The following CNTNAP2 variants were observed in gnomAD, a reference collection of about 807,000 sequenced individuals.
CNTNAP2 encodes the protein contactin-associated protein-like 2.
In CNTNAP2, 98 loss-of-function variants were observed where a neutral mutation model predicts 155.2. That is an observed-to-expected ratio of 0.63 (90% CI 0.54 to 0.75). The LOEUF (loss-of-function observed/expected upper bound fraction) is 0.75. Ranked by LOEUF, CNTNAP2 falls within the 30% of genes least tolerant of loss-of-function variation. CNTNAP2 has a pLI of 0.00. For missense variants in CNTNAP2, 1,727 were observed against 1,688.1 expected (o/e 1.02, Z -0.40); for synonymous variants, 651 against 631.2 (o/e 1.03, Z -0.47).
At chr7:147,994,355 A>C (rs1258406597) in intron 15 of CNTNAP2, among the ~76,000 whole-genome samples, 1 of 147,286 alleles carries the variant, frequency 6.8e-6, no homozygotes, top group Admixed American at 6.8e-5. Context: ...TGAGTGACAA[A>C]GTAAGACCTG....
chr7:147,272,228 T>C (rs1024486831), intron 8 of CNTNAP2, among the ~76,000 whole-genome samples: 3 of 152,108 alleles, frequency 2.0e-5, no homozygotes, highest in Non-Finnish European at 2.9e-5. Flanking sequence ...CCTAGAATCT[T>C]GTAACCCTTC....
At chr7:146,968,553 C>T (rs1259428335) in intron 3 of CNTNAP2, among the ~76,000 whole-genome samples, 3 of 152,014 alleles carry the variant, frequency 2.0e-5, no homozygotes, top group Admixed American at 6.6e-5. Context: ...GTGTATGTGT[C>T]GAGGAATTTA....
At chr7:146,287,074 G>A (rs1399756466) in intron 1 of CNTNAP2, among the ~76,000 whole-genome samples, 1 of 152,140 alleles carries the variant, frequency 6.6e-6, no homozygotes, top group Non-Finnish European at 1.5e-5. Context: ...ACTGCAAAAT[G>A]AATGTGAACT....
intron 10 of CNTNAP2, among the ~76,000 whole-genome samples, chr7:147,408,562 C>T (rs896999224): frequency 2.0e-5 from 3 of 152,166 alleles, no homozygotes; most frequent in South Asian, 2.1e-4. Flanking sequence ...AGATCGAGAC[C>T]ATCCTGGCTA....
At chr7:146,800,998 A>G (rs1176593423) in intron 2 of CNTNAP2, among the ~76,000 whole-genome samples, 1 of 152,086 alleles carries the variant, frequency 6.6e-6, no homozygotes, top group Non-Finnish European at 1.5e-5. Flanking sequence ...GGTTAAGTGT[A>G]TTGGTCTGTT....
intron 15 of CNTNAP2, among the ~76,000 whole-genome samples, chr7:148,008,646 C>T (rs1439738584): frequency 1.3e-5 from 2 of 152,206 alleles, no homozygotes; most frequent in Non-Finnish European, 2.9e-5. Flanking sequence ...TCCTGTGAGA[C>T]AGCTTCATCC....
Position 147,703,846 on chromosome 7 carries a change from C to T in CNTNAP2, c.2098+64540C>T, listed in dbSNP as rs894299837. 1.9e-4 allele frequency among the ~76,000 whole-genome samples: 29 copies of T among 152,230 alleles called. No homozygotes were observed. The South Asian group carries it at 2.1e-3, about 11-fold the overall frequency. On this transcript the variant is annotated intron_variant, in intron 13 of 23. Transcript: ENST00000361727. ...TTGCACTCTTTACCCAACTTCTCTT[C>T]GTCTCGCTCCCCCATGCACACACCC... is the stretch of plus-strand genomic sequence containing the variant.
At chr7:148,008,487 C>G (rs1398402761) in intron 15 of CNTNAP2, among the ~76,000 whole-genome samples, 1 of 152,186 alleles carries the variant, frequency 6.6e-6, no homozygotes, top group Non-Finnish European at 1.5e-5. Context: ...TCTCATTGTA[C>G]AGCTTACAAT....
At chr7:146,993,867 G>T (rs1214582718) in intron 3 of CNTNAP2, among the ~76,000 whole-genome samples, 1 of 152,048 alleles carries the variant, frequency 6.6e-6, no homozygotes, top group Non-Finnish European at 1.5e-5. Context: ...AACAAAAAAG[G>T]CTTGCCTTTG....
At chr7:148,255,564 T>C (rs993173121) in intron 20 of CNTNAP2, among the ~76,000 whole-genome samples, 1 of 152,220 alleles carries the variant, frequency 6.6e-6, no homozygotes, top group Non-Finnish European at 1.5e-5. Flanking sequence ...TTTGAGAAAT[T>C]TTTGATATAA....
chr7:147,106,748 T>C (rs1800774417), intron 4 of CNTNAP2, among the ~76,000 whole-genome samples: 2 of 152,304 alleles, frequency 1.3e-5, no homozygotes, highest in Middle Eastern at 3.4e-3. Flanking sequence ...CAATTCACTT[T>C]ATAGAATTAA....
At chr7:147,208,151 T>C (rs546055648) in intron 8 of CNTNAP2, among the ~76,000 whole-genome samples, 57 of 152,088 alleles carry the variant, frequency 3.7e-4, no homozygotes, top group African/African-American at 1.3e-3. Context: ...TTTAATAGAA[T>C]GGAGTTATTT....
chr7:147,370,835 C>A (rs1036413320), intron 9 of CNTNAP2, among the ~76,000 whole-genome samples: 2 of 152,040 alleles, frequency 1.3e-5, no homozygotes, highest in Admixed American at 1.3e-4. Context: ...AGAAATTAAG[C>A]TGCATTTAGA....
intron 1 of CNTNAP2, among the ~76,000 whole-genome samples, chr7:146,392,114 A>G (rs1795553382): frequency 6.6e-6 from 1 of 152,156 alleles, no homozygotes. Flanking sequence ...TGTTAGAATA[A>G]CCTAGAATTT....
At chr7:147,526,509 A>G (rs1799324367) in intron 11 of CNTNAP2, among the ~76,000 whole-genome samples, 1 of 152,220 alleles carries the variant, frequency 6.6e-6, no homozygotes, top group Non-Finnish European at 1.5e-5. Context: ...TAAGAAAAAA[A>G]TATACAATCA....
intron 10 of CNTNAP2, among the ~76,000 whole-genome samples, chr7:147,448,717 TA>T: frequency 6.6e-6 from 1 of 152,030 alleles, no homozygotes; most frequent in Non-Finnish European, 1.5e-5. Context: ...CATCATGAAA[TA>T]ACTCAAGGTA....
intron 15 of CNTNAP2, among the ~76,000 whole-genome samples, chr7:148,017,215 C>T (rs1043951363): frequency 6.6e-6 from 1 of 152,310 alleles, no homozygotes; most frequent in East Asian, 1.9e-4. Context: ...TTTCCCTGAA[C>T]ACCTAAATCC....
intron 1 of CNTNAP2, among the ~76,000 whole-genome samples, chr7:146,332,968 A>G (rs113504788): frequency 0.015 from 1,646 of 112,178 alleles, 41 homozygotes; most frequent in African/African-American, 0.054. Context: ...TTTTTTTGAC[A>G]GGTCTCACTC....
intron 13 of CNTNAP2, chr7:147,672,133 T>C (rs1795797423): frequency 6.6e-6 from 1 of 152,088 alleles, no homozygotes; most frequent in African/African-American, 2.4e-5. Context: ...GACAAGATGG[T>C]GTAAGTTGAG....
Sources: gnomAD v4.1 joint callset for allele counts (sites outside exome capture counted in the v4.1 genomes callset) on GRCh38, gnomAD v4.1.1 for gene constraint, MANE v1.5 for transcripts, NCBI Gene and HGNC (gene_info 2026-07-23, HGNC 2026-07-21) for gene names.